Variants in SLA2 observed in about 807,000 individuals in gnomAD.
The protein encoded by SLA2 is src-like-adapter 2.
Under a neutral mutation model 27.3 loss-of-function variants are expected in SLA2, and 22 were observed. The observed-to-expected ratio is 0.81, with a 90% CI of 0.58 to 1.15. SLA2 has a LOEUF of 1.15. SLA2 is among the 50% of genes most tolerant of loss of function. The pLI, the probability that SLA2 is intolerant of heterozygous loss-of-function variation, is 0.00. For synonymous variants in SLA2, 131 were observed against 137.8 expected (o/e 0.95, Z 0.34); for missense variants, 304 against 322.2 (o/e 0.94, Z 0.43).
At chr20:36,629,936 CAA>C (rs1235657565) in intron 5 of SLA2, among the ~76,000 whole-genome samples, 19 of 122,678 alleles carry the variant, frequency 1.5e-4, no homozygotes, top group Middle Eastern at 4.3e-3. Flanking sequence ...GACTCTGTCT[CAA>C]AAAAAAAAAA....
intron 5 of SLA2, among the ~76,000 whole-genome samples, chr20:36,623,419 ATAAATT>A (rs1349743048): frequency 6.6e-5 from 10 of 152,168 alleles, no homozygotes; most frequent in African/African-American, 2.4e-4. Flanking sequence ...CACAAGAAAA[ATAAATT>A]TAAAGTATAT....
At position 36,635,130 on chromosome 20, in the gene SLA2, G is replaced by A. The variant is rs2147992905; in HGVS notation, c.92-541C>T. ...AGGCGGCAAGGGCACCCTCAGCACAGCACCCACGCCCTCAGCCACCCCAGA... is the reference window on the plus strand; with the variant it reads ...AGGCGGCAAGGGCACCCTCAGCACAACACCCACGCCCTCAGCCACCCCAGA... On this transcript the variant is annotated intron_variant, in intron 2 of 7. Coordinates refer to ENST00000262866, the MANE Select transcript of SLA2 (RefSeq NM_032214.4). Among the ~76,000 whole-genome samples, 4 of 152,028 alleles carry A rather than the reference G, an allele frequency of 2.6e-5. 1 individual carries two copies. In the South Asian group the frequency reaches 8.3e-4, roughly 32 times the overall value.
At chr20:36,644,172 T>C (rs558819367) in intron 1 of SLA2, among the ~76,000 whole-genome samples, 2 of 152,258 alleles carry the variant, frequency 1.3e-5, no homozygotes, top group South Asian at 4.1e-4. Context: ...TTTTACATTA[T>C]TGGGGTCTTG....
At chr20:36,640,330 G>C (rs2039493832) in intron 2 of SLA2, among the ~76,000 whole-genome samples, 2 of 152,008 alleles carry the variant, frequency 1.3e-5, no homozygotes, top group South Asian at 4.2e-4. Flanking sequence ...AAAATAAAAA[G>C]ACAGCCCTAA....
chr20:36,636,720 G>C (rs1374572899), intron 2 of SLA2, among the ~76,000 whole-genome samples: 1 of 150,524 alleles, frequency 6.6e-6, no homozygotes, highest in Admixed American at 6.6e-5. Context: ...GGCCAAGGCA[G>C]GCAGATCGCC....
At position 36,643,564 on chromosome 20, in the gene SLA2, G is replaced by C. The variant is rs138920204; in HGVS notation, c.-43-2186C>G. On this transcript the variant is annotated intron_variant, in intron 1 of 7. Coordinates refer to ENST00000262866, the MANE Select transcript of SLA2 (RefSeq NM_032214.4). The stretch of plus-strand genomic sequence containing the variant: ...AATATCATGGAGTGATTTCTGTGGC[G>C]TCCTGGACCAGTCCTGTCTGGGGAG... Among the ~76,000 whole-genome samples, 807 of 152,282 alleles carry C rather than the reference G, an allele frequency of 5.3e-3. 8 individuals are homozygous for C. Among genetic ancestry groups the C allele is most frequent in the African/African-American group, 0.019 (770 of 41,554 alleles).
chr20:36,624,809 C>T (rs955892677), intron 5 of SLA2, among the ~76,000 whole-genome samples: 6 of 152,350 alleles, frequency 3.9e-5, no homozygotes, highest in Admixed American at 3.9e-4. Flanking sequence ...AGAGCCAGCC[C>T]TTAGCTGAAG....
chr20:36,619,959 G>C (rs2039262832), intron 5 of SLA2, among the ~76,000 whole-genome samples: 1 of 151,258 alleles, frequency 6.6e-6, no homozygotes, highest in South Asian at 2.1e-4. Flanking sequence ...TAATTAACCA[G>C]GTGTGGTGGT....
At position 36,620,881 on chromosome 20, in the gene SLA2, T is replaced by A; in HGVS notation, c.383-5507A>T. The A allele has an allele frequency of 8.2e-6, 2 of 243,580 alleles. 1 individual carries two copies. The highest frequency in any genetic ancestry group is 1.1e-4 in the South Asian group (2 of 18,016). 15.1% of individuals were successfully genotyped at this position (243,580 alleles called of 1,614,324 possible). On this transcript the variant is annotated intron_variant, in intron 5 of 7. Transcript: ENST00000262866. ...CCACGCCCAGCCAGAAATACCACAC[T>A]GTTAATGGGCATAATGGTGAAGTGA...
At chr20:36,616,622 C>T (rs1265625337) in intron 5 of SLA2, among the ~76,000 whole-genome samples, 6 of 152,030 alleles carry the variant, frequency 3.9e-5, no homozygotes, top group Admixed American at 6.6e-5. Flanking sequence ...CATGAGCCAC[C>T]GCGCCCAGCC....
intron 1 of SLA2, 140 bp from the exon 2 acceptor site, chr20:36,641,518 C>T: frequency 1.8e-6 from 1 of 546,070 alleles, no homozygotes; most frequent in South Asian, 2.1e-5. Flanking sequence ...GCTCCAGCCT[C>T]TCTGCCAGCC....
intron 5 of SLA2, among the ~76,000 whole-genome samples, chr20:36,630,873 C>T (rs2039387159): frequency 6.6e-6 from 1 of 152,156 alleles, no homozygotes; most frequent in African/African-American, 2.4e-5. Flanking sequence ...GTGCATGTGG[C>T]CCGTTCCTAC....
chr20:36,619,225 A>G (rs1218632316), intron 5 of SLA2, among the ~76,000 whole-genome samples: 1 of 138,924 alleles, frequency 7.2e-6, no homozygotes, highest in African/African-American at 3.0e-5. Context: ...TGGGGGAAAA[A>G]AAAAAAAAAA....
intron 2 of SLA2, among the ~76,000 whole-genome samples, chr20:36,638,439 C>T (rs1268414381): frequency 6.6e-6 from 1 of 152,032 alleles, no homozygotes; most frequent in Non-Finnish European, 1.5e-5. Context: ...AGCAGTTCTC[C>T]TGTCTCAGCC....
intron 2 of SLA2, among the ~76,000 whole-genome samples, chr20:36,635,956 T>C (rs2039440417): frequency 6.6e-6 from 1 of 152,120 alleles, no homozygotes; most frequent in Non-Finnish European, 1.5e-5. Context: ...ACACTCTTGG[T>C]CAGAATCCCT....
chr20:36,620,191 C>T (rs2039266049), intron 5 of SLA2, among the ~76,000 whole-genome samples: 3 of 151,462 alleles, frequency 2.0e-5, no homozygotes, highest in South Asian at 2.1e-4. Flanking sequence ...GAGTTCAAGA[C>T]CAGCCTGGCT....
chr20:36,615,401 C>G, intron 5 of SLA2, 27 bp from the exon 6 acceptor site: 1 of 1,612,074 alleles, frequency 6.2e-7, no homozygotes, highest in Non-Finnish European at 8.5e-7. Flanking sequence ...CCAGGGGTGG[C>G]ACTGAGGCCC....
intron 1 of SLA2, 126 bp from the exon 2 acceptor site, chr20:36,641,504 C>T: frequency 1.8e-6 from 1 of 558,638 alleles, no homozygotes; most frequent in Non-Finnish European, 3.3e-6. Context: ...TCCTGTGGGA[C>T]CAGGCTCCAG....
chr20:36,624,055 C>T (rs2039311408), intron 5 of SLA2, among the ~76,000 whole-genome samples: 1 of 152,212 alleles, frequency 6.6e-6, no homozygotes, highest in East Asian at 1.9e-4. Flanking sequence ...GGTCAGGAGT[C>T]ATCCATTCCT....
Sources: gnomAD v4.1 joint callset for allele counts (sites outside exome capture counted in the v4.1 genomes callset) on GRCh38, gnomAD v4.1.1 for gene constraint, MANE v1.5 for transcripts, NCBI Gene and HGNC (gene_info 2026-07-23, HGNC 2026-07-21) for gene names.